The following RASEF variants were observed in gnomAD, a reference collection of about 807,000 sequenced individuals.
RASEF encodes the protein RAS and EF-hand domain containing, also known as ras and EF-hand domain-containing protein.
In RASEF, 68 loss-of-function variants were observed where a neutral mutation model predicts 90.1. That is an observed-to-expected ratio of 0.75 (90% CI 0.62 to 0.92). The LOEUF (loss-of-function observed/expected upper bound fraction) is 0.92, where lower values mean the gene tolerates loss of function less well. Ranked by LOEUF, RASEF falls within the 40% of genes least tolerant of loss-of-function variation. RASEF has a pLI of 0.00. For missense variants in RASEF, 949 were observed against 937.2 expected (o/e 1.01, Z -0.16); for synonymous variants, 331 against 345.2 (o/e 0.96, Z 0.46).
At chr9:83,189,647 T>C in the RASEF span, among the ~76,000 whole-genome samples, 1 of 152,220 alleles carries the variant, frequency 6.6e-6, no homozygotes, top group Non-Finnish European at 1.5e-5. Context: ...TCATGTTTTA[T>C]TGTTGGCCAG....
chr9:83,005,581 G>GTAACAT, intron 7 of RASEF, 81 bp from the exon 8 acceptor site: 2 of 1,038,088 alleles, frequency 1.9e-6, no homozygotes, highest in Admixed American at 1.7e-5. Flanking sequence ...TTTTCTAGCT[G>GTAACAT]TAACATTCAG....
intron 12 of RASEF, 25 bp downstream of exon 12, chr9:83,000,144 T>C: frequency 1.2e-6 from 2 of 1,605,818 alleles, no homozygotes; most frequent in Non-Finnish European, 8.5e-7. Flanking sequence ...CATTTTCCCA[T>C]TATCAACCGA....
At chr9:83,125,473 T>C in the RASEF span, among the ~76,000 whole-genome samples, 1 of 152,232 alleles carries the variant, frequency 6.6e-6, no homozygotes, top group Non-Finnish European at 1.5e-5. Context: ...AGTAAGAAAC[T>C]GATATCACTG....
At chr9:83,042,711 G>T (rs972879856) in intron 1 of RASEF, among the ~76,000 whole-genome samples, 2 of 151,752 alleles carry the variant, frequency 1.3e-5, no homozygotes, top group African/African-American at 2.4e-5. Context: ...TGACTAAGAA[G>T]AATCCAAAAG....
intron 7 of RASEF, 65 bp downstream of exon 7, chr9:83,007,372 T>C (rs540883437): frequency 1.8e-5 from 23 of 1,266,116 alleles, no homozygotes; most frequent in Middle Eastern, 3.7e-4. Context: ...CTATGTGTTA[T>C]GTCTTTTATT....
At chr9:83,145,831 G>A in the RASEF span, among the ~76,000 whole-genome samples, 133,983 of 152,016 alleles carry the variant, frequency 0.88, 59,331 homozygotes, top group African/African-American at 0.97. Context: ...CACAAATTTG[G>A]GTCTGGATTC....
the RASEF span, among the ~76,000 whole-genome samples, chr9:83,072,059 C>G: frequency 6.6e-6 from 1 of 152,140 alleles, no homozygotes; most frequent in African/African-American, 2.4e-5. Flanking sequence ...TAATCTTTTT[C>G]TTAAATTATT....
At chr9:83,162,320 T>G in the RASEF span, among the ~76,000 whole-genome samples, 133,736 of 152,156 alleles carry the variant, frequency 0.88, 59,090 homozygotes, top group African/African-American at 0.97. Context: ...TAAAAAGAAG[T>G]TCACATAAAA....
the RASEF span, among the ~76,000 whole-genome samples, chr9:83,164,347 G>GTGTATATATA: frequency 7.7e-6 from 1 of 129,988 alleles, no homozygotes; most frequent in African/African-American, 2.8e-5. Flanking sequence ...GTATATGTGT[G>GTGTATATATA]TATATATATA....
At chr9:83,200,756 G>A in the RASEF span, among the ~76,000 whole-genome samples, 4 of 152,300 alleles carry the variant, frequency 2.6e-5, no homozygotes, top group Admixed American at 1.3e-4. Context: ...GGGCCTCAGT[G>A]AGCTTGCTAC....
chr9:83,097,419 A>G, the RASEF span, among the ~76,000 whole-genome samples: 1 of 152,226 alleles, frequency 6.6e-6, no homozygotes, highest in Non-Finnish European at 1.5e-5. Flanking sequence ...TAATTAAACT[A>G]AAGAGCTTCT....
chr9:83,057,425 C>G (rs1359853071), intron 1 of RASEF, among the ~76,000 whole-genome samples: 1 of 152,176 alleles, frequency 6.6e-6, no homozygotes, highest in Non-Finnish European at 1.5e-5. Context: ...AGACAGGTTT[C>G]TCCCACTCAG....
chr9:82,983,155 A>ACACC (rs1554704230), intron 16 of RASEF, among the ~76,000 whole-genome samples: 33 of 122,914 alleles, frequency 2.7e-4, no homozygotes, highest in African/African-American at 8.2e-4. Flanking sequence ...ACACACACAC[A>ACACC]CCCTTCTCCC....
intron 1 of RASEF, among the ~76,000 whole-genome samples, chr9:83,060,575 A>T (rs1431310758): frequency 1.3e-5 from 2 of 152,228 alleles, no homozygotes; most frequent in Non-Finnish European, 2.9e-5. Flanking sequence ...CATTTGGCTG[A>T]AATAATGCCG....
the RASEF span, among the ~76,000 whole-genome samples, chr9:83,111,470 A>T: frequency 6.6e-6 from 1 of 152,170 alleles, no homozygotes; most frequent in African/African-American, 2.4e-5. Flanking sequence ...GTACACCTGA[A>T]ATTTTCTAAG....
the RASEF span, among the ~76,000 whole-genome samples, chr9:83,080,219 G>A: frequency 4.6e-5 from 7 of 152,328 alleles, no homozygotes; most frequent in South Asian, 8.3e-4. Flanking sequence ...TGGAGAACAG[G>A]AGGAAAGTGA....
chr9:83,057,115 C>T (rs1394794703), intron 1 of RASEF, among the ~76,000 whole-genome samples: 1 of 152,182 alleles, frequency 6.6e-6, no homozygotes, highest in Non-Finnish European at 1.5e-5. Context: ...TTCATTCCCC[C>T]TACAATCTGG....
chr9:82,995,245 C>G (rs1046515473), intron 14 of RASEF, among the ~76,000 whole-genome samples: 3 of 152,172 alleles, frequency 2.0e-5, no homozygotes, highest in African/African-American at 4.8e-5. Flanking sequence ...TTTGTGCCTC[C>G]TTTTCTTGAG....
chr9:83,146,915 A>G, the RASEF span, among the ~76,000 whole-genome samples: 1 of 152,006 alleles, frequency 6.6e-6, no homozygotes, highest in African/African-American at 2.4e-5. Flanking sequence ...GTGATAGTAG[A>G]ATCTTCAGAG....
Sources: gnomAD v4.1 joint callset for allele counts (sites outside exome capture counted in the v4.1 genomes callset) on GRCh38, gnomAD v4.1.1 for gene constraint, MANE v1.5 for transcripts, NCBI Gene and HGNC (gene_info 2026-07-23, HGNC 2026-07-21) for gene names.